Variants in DPP10 observed in about 807,000 individuals in gnomAD.
DPP10 encodes the protein dipeptidyl peptidase like 10.
DPP10 carries 33 observed loss-of-function variants against 120.9 expected under a neutral mutation model. The ratio of observed to expected loss-of-function variants is 0.27; its 90% CI spans 0.21 to 0.37. The LOEUF is 0.37. DPP10 is among the 10% of genes least tolerant of loss of function. The probability of loss-of-function intolerance (pLI) is 1.00; values close to 1 mark genes in which losing one functional copy is unlikely to be tolerated. For missense variants in DPP10, 816 were observed against 942.8 expected (o/e 0.87, Z 1.76); for synonymous variants, 337 against 326.1 (o/e 1.03, Z -0.36).
intron 7 of DPP10, among the ~76,000 whole-genome samples, chr2:115,716,845 T>C (rs1414363175): frequency 6.6e-6 from 1 of 152,204 alleles, no homozygotes; most frequent in Non-Finnish European, 1.5e-5. Context: ...TCCCACCTTC[T>C]GCATTTTTCA....
intron 1 of DPP10, among the ~76,000 whole-genome samples, chr2:115,005,956 G>A (rs2105043138): frequency 6.6e-6 from 1 of 152,224 alleles, no homozygotes; most frequent in South Asian, 2.1e-4. Flanking sequence ...AATGTTAAGG[G>A]CAGCCAGAGA....
chr2:114,993,580 G>GTATATATATA (rs59593945), intron 1 of DPP10, among the ~76,000 whole-genome samples: 10,548 of 96,778 alleles, frequency 0.11, 990 homozygotes, highest in East Asian at 0.38. Context: ...GTGTGTGTGT[G>GTATATATATA]TATATATATA....
At chr2:115,065,101 G>T (rs780578096) in intron 1 of DPP10, among the ~76,000 whole-genome samples, 25 of 151,866 alleles carry the variant, frequency 1.6e-4, no homozygotes, top group Non-Finnish European at 7.4e-5. Context: ...TATGCTCTGG[G>T]TTTCATATTG....
intron 2 of DPP10, among the ~76,000 whole-genome samples, chr2:115,329,380 A>C (rs546200466): frequency 6.6e-6 from 1 of 152,180 alleles, no homozygotes; most frequent in East Asian, 1.9e-4. Context: ...ATTAAGGAGT[A>C]TGTATTATTA....
chr2:115,746,063 A>G (rs761640246), intron 9 of DPP10, 23 bp from the exon 10 acceptor site: 5 of 1,548,454 alleles, frequency 3.2e-6, no homozygotes, highest in Admixed American at 3.7e-5. Flanking sequence ...TGTACTTGCA[A>G]TACAACTTTC....
At chr2:115,801,923 G>C (rs1339320673) in intron 19 of DPP10, among the ~76,000 whole-genome samples, 1 of 152,098 alleles carries the variant, frequency 6.6e-6, no homozygotes, top group Non-Finnish European at 1.5e-5. Flanking sequence ...GCTCGGCTTT[G>C]GTATCAGGAT....
chr2:114,975,979 T>A (rs2104822739), intron 1 of DPP10, among the ~76,000 whole-genome samples: 1 of 152,322 alleles, frequency 6.6e-6, no homozygotes, highest in Admixed American at 6.5e-5. Flanking sequence ...AGAGGACATT[T>A]AATTTTAAGT....
chr2:114,989,821 A>G (rs1700654930), intron 1 of DPP10, among the ~76,000 whole-genome samples: 1 of 152,208 alleles, frequency 6.6e-6, no homozygotes, highest in Admixed American at 6.5e-5. Flanking sequence ...TACTGGTCCT[A>G]CAGACCTGAT....
At chr2:115,440,788 A>G (rs543692204) in intron 3 of DPP10, 1 of 152,364 alleles carries the variant, frequency 6.6e-6, no homozygotes, top group South Asian at 2.1e-4. Context: ...ATCTTTCATT[A>G]TAATTAGATA....
intron 1 of DPP10, among the ~76,000 whole-genome samples, chr2:114,560,085 T>G (rs1173793044): frequency 6.6e-6 from 1 of 152,178 alleles, no homozygotes; most frequent in East Asian, 1.9e-4. Flanking sequence ...TCATCATGGT[T>G]TTTACTTTAG....
chr2:115,691,269 A>G (rs137991127), intron 7 of DPP10, among the ~76,000 whole-genome samples: 1 of 152,248 alleles, frequency 6.6e-6, no homozygotes, highest in East Asian at 1.9e-4. Flanking sequence ...GATTTATCAA[A>G]TACATGATTT....
At chr2:114,997,906 CAT>C (rs763317269) in intron 1 of DPP10, among the ~76,000 whole-genome samples, 7 of 152,188 alleles carry the variant, frequency 4.6e-5, no homozygotes, top group Admixed American at 6.5e-5. Context: ...ATGAAATTCA[CAT>C]ATGTTTCCTA....
chr2:115,036,238 G>A (rs746313968), intron 1 of DPP10, among the ~76,000 whole-genome samples: 4 of 152,076 alleles, frequency 2.6e-5, no homozygotes, highest in Admixed American at 1.3e-4. Context: ...TCACTATCAC[G>A]AGGACAGCAT....
intron 1 of DPP10, among the ~76,000 whole-genome samples, chr2:115,274,652 A>G (rs966601381): frequency 6.6e-6 from 1 of 152,122 alleles, no homozygotes; most frequent in Non-Finnish European, 1.5e-5. Flanking sequence ...TGGAAAATAG[A>G]AAGAAAAATT....
intron 3 of DPP10, among the ~76,000 whole-genome samples, chr2:115,406,163 T>A (rs1521076): frequency 0.65 from 98,421 of 152,082 alleles, 32,442 homozygotes; most frequent in Middle Eastern, 0.75. Flanking sequence ...GCTGCTTAGA[T>A]ATGTCTACAA....
chr2:114,592,960 G>C (rs1691587099), intron 1 of DPP10, among the ~76,000 whole-genome samples: 1 of 151,934 alleles, frequency 6.6e-6, no homozygotes, highest in Non-Finnish European at 1.5e-5. Context: ...TTTTGTGATT[G>C]GTTTATTTAG....
chr2:114,840,895 T>A (rs923036403), intron 1 of DPP10, among the ~76,000 whole-genome samples: 2 of 152,158 alleles, frequency 1.3e-5, no homozygotes, highest in African/African-American at 4.8e-5. Flanking sequence ...TTCTTATCCA[T>A]CCCTGCCTCT....
At chr2:115,163,563 C>T (rs1288420435) in intron 1 of DPP10, among the ~76,000 whole-genome samples, 1 of 152,196 alleles carries the variant, frequency 6.6e-6, no homozygotes, top group African/African-American at 2.4e-5. Context: ...TCCTAATCCC[C>T]AGCACACATC....
At chr2:114,486,516 T>C (rs1279963574) in intron 1 of DPP10, among the ~76,000 whole-genome samples, 1 of 152,182 alleles carries the variant, frequency 6.6e-6, no homozygotes, top group African/African-American at 2.4e-5. Flanking sequence ...GGCAATTTAA[T>C]GGTGATCCCT....
Sources: gnomAD v4.1 joint callset for allele counts (sites outside exome capture counted in the v4.1 genomes callset) on GRCh38, gnomAD v4.1.1 for gene constraint, MANE v1.5 for transcripts, NCBI Gene and HGNC (gene_info 2026-07-23, HGNC 2026-07-21) for gene names.